Variants in TTC27 observed in about 807,000 individuals in gnomAD.
TTC27 encodes the protein tetratricopeptide repeat domain 27, also known as tetratricopeptide repeat protein 27.
In TTC27, 79 loss-of-function variants were observed where a neutral mutation model predicts 115.9. The ratio of observed to expected loss-of-function variants is 0.68; its 90% CI spans 0.57 to 0.82. The LOEUF (loss-of-function observed/expected upper bound fraction) is 0.82. TTC27 is among the 40% of genes least tolerant of loss of function. TTC27 has a pLI of 0.00. For synonymous variants in TTC27, 401 were observed against 356.0 expected, an observed-to-expected ratio of 1.13 and a Z score of -1.42; for missense variants, 1,054 against 993.1, an observed-to-expected ratio of 1.06 and a Z score of -0.82.
At chr2:32,768,287 A>G (rs938574210) in intron 13 of TTC27, among the ~76,000 whole-genome samples, 16 of 152,208 alleles carry the variant, frequency 1.1e-4, no homozygotes, top group African/African-American at 3.9e-4. Context: ...TTTTGAATAG[A>G]ATCATCTTAT....
chr2:32,732,683 C>CTGT (rs1489098857), intron 10 of TTC27, among the ~76,000 whole-genome samples: 1 of 152,172 alleles, frequency 6.6e-6, no homozygotes, highest in Non-Finnish European at 1.5e-5. Context: ...AACAGTGCAA[C>CTGT]TGTCTTTTGC....
chr2:32,815,765 A>G (rs112816610), intron 18 of TTC27, among the ~76,000 whole-genome samples: 1,711 of 152,294 alleles, frequency 0.011, 40 homozygotes, highest in African/African-American at 0.039. Flanking sequence ...TCCTCTACTA[A>G]GAGAAACAGA....
At position 32,633,894 on chromosome 2, in the gene TTC27, A is replaced by G; in HGVS notation, c.285A>G (p.Leu95=). Residue 95 remains leucine, a synonymous_variant, in exon 3 of 20, where the codon CTA becomes CTG. Coordinates refer to ENST00000317907, the MANE Select transcript of TTC27 (RefSeq NM_017735.5). ...DTTERQQLIF[L]LGVSSLQLFV... ...TATGCAGACAACAGTTGATATTTCT[A>G]CTTGGTGTGAGCAGTTTGCAACTTT... 5 of 1,613,792 alleles carry G rather than the reference A, an allele frequency of 3.1e-6. No homozygotes were observed. The highest frequency in any genetic ancestry group is 4.2e-6 in the Non-Finnish European group (5 of 1,179,854).
chr2:32,667,957 G>T (rs946474191), intron 7 of TTC27, among the ~76,000 whole-genome samples: 1 of 151,684 alleles, frequency 6.6e-6, no homozygotes, highest in Non-Finnish European at 1.5e-5. Context: ...GGGAGGCCAA[G>T]GTGGGTGCAC....
intron 15 of TTC27, 106 bp downstream of exon 15, chr2:32,782,784 GC>G: frequency 1.2e-6 from 1 of 867,894 alleles, no homozygotes; most frequent in Non-Finnish European, 1.8e-6. Flanking sequence ...TACCTTTCTC[GC>G]CCATGTATAT....
chr2:32,817,579 A>G (rs1243722669), intron 19 of TTC27, 22 bp downstream of exon 19: 1 of 1,592,604 alleles, frequency 6.3e-7, no homozygotes, highest in African/African-American at 1.3e-5. Context: ...ATGTGAATTA[A>G]TTGGAATTGT....
chr2:32,704,211 G>A (rs1316596013), intron 10 of TTC27, among the ~76,000 whole-genome samples: 2 of 151,778 alleles, frequency 1.3e-5, no homozygotes. Context: ...TTTTGACACA[G>A]GGTCTTACTC....
At chr2:32,749,123 T>C (rs1217856325) in intron 12 of TTC27, among the ~76,000 whole-genome samples, 1 of 152,244 alleles carries the variant, frequency 6.6e-6, no homozygotes, top group Non-Finnish European at 1.5e-5. Flanking sequence ...AAACATACTT[T>C]CTTGTTTCTT....
intron 10 of TTC27, among the ~76,000 whole-genome samples, chr2:32,726,684 A>G (rs970771762): frequency 3.3e-5 from 5 of 152,240 alleles, no homozygotes; most frequent in African/African-American, 1.2e-4. Flanking sequence ...GCCCAGTTCC[A>G]AAGTTGCTTC....
At position 32,635,765 on chromosome 2, in the gene TTC27, TGGG is replaced by T. The variant is rs113841002; in HGVS notation, c.396+1765_396+1767del. On this transcript the variant is annotated intron_variant, in intron 3 of 19. Coordinates refer to ENST00000317907, the MANE Select transcript of TTC27 (RefSeq NM_017735.5). ...TTAGAGATATGTGTTAATAATTTGA[TGGG>T]GGGGTAGAAAGAGAAGAAGTGCAAA... is the stretch of plus-strand genomic sequence containing the variant. 9.2e-4 allele frequency among the ~76,000 whole-genome samples: 140 copies of T among 152,102 alleles called. 1 individual carries two copies. Among genetic ancestry groups the T allele is most frequent in the Non-Finnish European group, 1.5e-3 (105 of 67,988 alleles).
chr2:32,776,910 G>A (rs1186421846), intron 13 of TTC27, among the ~76,000 whole-genome samples: 1 of 152,046 alleles, frequency 6.6e-6, no homozygotes, highest in East Asian at 1.9e-4. Context: ...ACACCCAGCC[G>A]AATTTTTGTT....
intron 10 of TTC27, among the ~76,000 whole-genome samples, chr2:32,726,843 G>A (rs1222844593): frequency 6.6e-6 from 1 of 152,204 alleles, no homozygotes; most frequent in African/African-American, 2.4e-5. Flanking sequence ...AGTTTCACGT[G>A]GCTGGGGAGG....
rs568285040 is a variant in TTC27, at chr2:32,662,198, T to A, written c.641-2105T>A. 2.0e-5 allele frequency among the ~76,000 whole-genome samples: 3 copies of A among 152,342 alleles called. 1 individual carries two copies. In the South Asian group the frequency reaches 6.2e-4, roughly 32 times the overall value. On this transcript the variant is annotated intron_variant, in intron 5 of 19. Coordinates refer to ENST00000317907, the MANE Select transcript of TTC27 (RefSeq NM_017735.5). ...ATTTTATTGAGGATTTTTGCATCAA[T>A]GTTCATCAGGGATATTGGCCTGAAA...
Position 32,628,105 on chromosome 2 carries a change from C to G in TTC27, c.-188C>G. On this transcript the variant is annotated 5_prime_UTR_variant, in exon 1 of 20. Coordinates refer to ENST00000317907, the MANE Select transcript of TTC27 (RefSeq NM_017735.5). ...CGTGCGTGTTTTTCCCAGGGTGCCC[C>G]GCGCTGCTGTTATGGCCGCCTCCTT... 4 of 570,492 alleles carry G rather than the reference C, an allele frequency of 7.0e-6. No individual in the cohort carries two copies. In the South Asian group the frequency reaches 8.3e-5, roughly 12 times the overall value. 35.3% of individuals were successfully genotyped at this position (570,492 alleles called of 1,614,324 possible).
At chr2:32,678,529 G>A (rs555824101) in intron 8 of TTC27, among the ~76,000 whole-genome samples, 151 of 151,926 alleles carry the variant, frequency 9.9e-4, no homozygotes, top group African/African-American at 3.5e-3. Context: ...CCGGGTTCAC[G>A]CCATTCTCCT....
chr2:32,706,324 C>T (rs752874150), intron 10 of TTC27, among the ~76,000 whole-genome samples: 9 of 151,926 alleles, frequency 5.9e-5, no homozygotes, highest in Non-Finnish European at 1.2e-4. Flanking sequence ...CTCAAGTTAT[C>T]TGCCCACCTC....
At chr2:32,679,007 G>T in intron 9 of TTC27, 85 bp downstream of exon 9, 1 of 1,160,732 alleles carries the variant, frequency 8.6e-7, no homozygotes, top group Non-Finnish European at 1.3e-6. Flanking sequence ...GATTGTTTAT[G>T]TTGAAACACT....
At chr2:32,811,248 T>C (rs371393541) in intron 17 of TTC27, 27 bp downstream of exon 17, 17 of 1,596,340 alleles carry the variant, frequency 1.1e-5, no homozygotes, top group Non-Finnish European at 1.5e-5. Flanking sequence ...TCCTGAGTCC[T>C]TGCCTTTCGT....
chr2:32,715,341 A>G (rs1449632905), intron 10 of TTC27, among the ~76,000 whole-genome samples: 2 of 152,044 alleles, frequency 1.3e-5, no homozygotes, highest in African/African-American at 2.4e-5. Flanking sequence ...TCCTTTCCCC[A>G]TTGTTTGTTT....
Sources: allele counts gnomAD v4.1 joint callset (sites outside exome capture counted in the v4.1 genomes callset), GRCh38; gene constraint gnomAD v4.1.1; transcripts MANE v1.5; gene names NCBI Gene and HGNC (gene_info 2026-07-23, HGNC 2026-07-21).